Variants in DECR1 observed in about 807,000 individuals in gnomAD.
DECR1 encodes 2,4-dienoyl-CoA reductase [(3E)-enoyl-CoA-producing], mitochondrial.
In DECR1, 44 loss-of-function variants were observed where a neutral mutation model predicts 38.8. That is an observed-to-expected ratio of 1.13 (90% CI 0.89 to 1.46). The LOEUF is 1.46. Ranked by LOEUF, DECR1 falls within the 40% of genes most tolerant of loss-of-function variation. The pLI is 0.00. For missense variants in DECR1, 428 were observed against 405.5 expected, an observed-to-expected ratio of 1.06 and a Z score of -0.48; for synonymous variants, 148 against 135.2, an observed-to-expected ratio of 1.09 and a Z score of -0.66.
Position 90,019,072 on chromosome 8 carries a change from T to C in DECR1, c.331-14T>C. The C allele has an allele frequency of 1.2e-6, 2 of 1,613,086 alleles. No homozygotes were observed. The highest frequency in any genetic ancestry group is 1.6e-4 in the Middle Eastern group (1 of 6,062). On this transcript the variant is annotated splice_polypyrimidine_tract_variant and intron_variant, in intron 3 of 9. Coordinates refer to ENST00000220764, the MANE Select transcript of DECR1 (RefSeq NM_001359.2). ...AAAGCTGGAAAATGTCATATTCTTT[T>C]TGTTATTTTGCAGGTTCATGCAATT... is the stretch of plus-strand genomic sequence containing the variant.
chr8:90,041,005 G>A (rs1813748195), intron 6 of DECR1, among the ~76,000 whole-genome samples: 1 of 152,024 alleles, frequency 6.6e-6, no homozygotes, highest in Admixed American at 6.6e-5. Context: ...GGGATGGCTG[G>A]GTCAAATGGT....
chr8:90,013,398 C>CTTTTT (rs1586138676), intron 1 of DECR1, among the ~76,000 whole-genome samples: 1 of 81,420 alleles, frequency 1.2e-5, no homozygotes, highest in East Asian at 4.4e-4. Flanking sequence ...CCTCTTCTTT[C>CTTTTT]GTTTTTTTTT....
chr8:90,023,716 T>A (rs570660307), intron 5 of DECR1, among the ~76,000 whole-genome samples: 1 of 152,060 alleles, frequency 6.6e-6, no homozygotes, highest in African/African-American at 2.4e-5. Flanking sequence ...AGTTTGCTGA[T>A]AGCTTTTTTT....
At chr8:90,039,376 A>G (rs542014166) in intron 6 of DECR1, among the ~76,000 whole-genome samples, 1 of 152,344 alleles carries the variant, frequency 6.6e-6, no homozygotes, top group South Asian at 2.1e-4. Flanking sequence ...ACCTCTTCAC[A>G]GGGCAGCAGG....
At chr8:90,004,180 G>A (rs768807672) in intron 1 of DECR1, among the ~76,000 whole-genome samples, 38 of 151,438 alleles carry the variant, frequency 2.5e-4, no homozygotes, top group Non-Finnish European at 4.3e-4. Flanking sequence ...AAAATTAGCC[G>A]GGCGTGGTGG....
intron 8 of DECR1, among the ~76,000 whole-genome samples, chr8:90,049,840 C>G (rs78853570): frequency 3.3e-5 from 5 of 152,100 alleles, no homozygotes; most frequent in Admixed American, 3.3e-4. Context: ...TATAGACCAA[C>G]GGAACAGAAC....
chr8:90,052,130 G>T lies in DECR1; in HGVS notation c.*233G>T. 6.2e-6 allele frequency: 3 copies of T among 484,332 alleles called. No individual in the cohort carries two copies. Among genetic ancestry groups the T allele is most frequent in the Non-Finnish European group, 7.3e-6 (2 of 275,618 alleles). 30.0% of individuals were successfully genotyped at this position (484,332 alleles called of 1,614,324 possible). The stretch of plus-strand genomic sequence containing the variant: ...AGGAGGCATGGGGAGAGTAGGTAAA[G>T]GCTCCTCTTTACCTATTGATAGAGG... On this transcript the variant is annotated 3_prime_UTR_variant, in exon 10 of 10. Transcript: ENST00000220764.
intron 5 of DECR1, among the ~76,000 whole-genome samples, chr8:90,036,090 A>G (rs7813378): frequency 0.043 from 6,498 of 152,146 alleles, 283 homozygotes; most frequent in East Asian, 0.19. Flanking sequence ...CACACTAAAC[A>G]TGTACAGCTT....
At chr8:90,041,391 A>T (rs1401739416) in intron 6 of DECR1, among the ~76,000 whole-genome samples, 1 of 152,132 alleles carries the variant, frequency 6.6e-6, no homozygotes, top group African/African-American at 2.4e-5. Context: ...CATTTATCAG[A>T]TGGATAGATT....
intron 1 of DECR1, among the ~76,000 whole-genome samples, chr8:90,011,012 A>G (rs910470394): frequency 6.6e-6 from 1 of 152,232 alleles, no homozygotes; most frequent in Non-Finnish European, 1.5e-5. Flanking sequence ...TGACAGTGTA[A>G]TAAGGTTATT....
intron 1 of DECR1, among the ~76,000 whole-genome samples, chr8:90,002,269 T>C (rs1812636099): frequency 6.6e-6 from 1 of 152,124 alleles, no homozygotes; most frequent in South Asian, 2.1e-4. Context: ...GTGTTAGTTA[T>C]GGAATTAAAC....
intron 1 of DECR1, among the ~76,000 whole-genome samples, chr8:90,016,401 C>A (rs1219649200): frequency 6.6e-6 from 1 of 151,950 alleles, no homozygotes; most frequent in Non-Finnish European, 1.5e-5. Context: ...CTTTGGGAGG[C>A]CGAGGTGGGC....
rs144303838 is a variant in DECR1, at chr8:90,015,369, C to G, written c.70-1755C>G. 2.2e-3 allele frequency among the ~76,000 whole-genome samples: 339 copies of G among 152,078 alleles called. 2 individuals are homozygous for G. Among genetic ancestry groups the G allele is most frequent in the African/African-American group, 7.0e-3 (292 of 41,504 alleles). On this transcript the variant is annotated intron_variant, in intron 1 of 9. Transcript: ENST00000220764. ...TAACAATTGAATTTACCTTATAGAG[C>G]TGTTTTGAGGACTGTATGGTAAATA... is the stretch of plus-strand genomic sequence containing the variant.
chr8:90,029,716 A>G (rs1813447926), intron 5 of DECR1, among the ~76,000 whole-genome samples: 1 of 152,198 alleles, frequency 6.6e-6, no homozygotes, highest in South Asian at 2.1e-4. Context: ...CCGTAAACAC[A>G]AGAATAAATT....
intron 5 of DECR1, among the ~76,000 whole-genome samples, chr8:90,022,105 T>G (rs976183839): frequency 2.6e-5 from 4 of 152,138 alleles, no homozygotes; most frequent in Non-Finnish European, 5.9e-5. Flanking sequence ...TGCGGGTATT[T>G]TCTCAGAGAA....
intron 6 of DECR1, among the ~76,000 whole-genome samples, chr8:90,041,573 T>A (rs1182742852): frequency 6.6e-6 from 1 of 152,212 alleles, no homozygotes; most frequent in Non-Finnish European, 1.5e-5. Flanking sequence ...TGTACAATTT[T>A]CCTTTTGTAA....
chr8:90,042,680 C>A, intron 6 of DECR1, 48 bp from the exon 7 acceptor site: 1 of 1,501,788 alleles, frequency 6.7e-7, no homozygotes, highest in Non-Finnish European at 9.3e-7. Context: ...CTGTCTTTAA[C>A]ATATGGTATA....
rs144611328 is a variant in DECR1 at position 90,039,400 on chromosome 8, TC to T, written c.665+2462del. On this transcript the variant is annotated intron_variant, in intron 6 of 9. Coordinates refer to ENST00000220764, the MANE Select transcript of DECR1 (RefSeq NM_001359.2). ...CAGGGCAGCAGGAAAGAGAATGTGTTCCAAGTGAAGGGGTAAGCCCCTTATA... is the reference window on the plus strand; with the variant it reads ...CAGGGCAGCAGGAAAGAGAATGTGTTCAAGTGAAGGGGTAAGCCCCTTATA... Among the ~76,000 whole-genome samples, 1,105 of 152,238 alleles carry T rather than the reference TC, an allele frequency of 7.3e-3. 15 individuals carry two copies. The highest frequency in any genetic ancestry group is 0.025 in the African/African-American group (1,026 of 41,550).
At chr8:90,038,189 T>C (rs995926114) in intron 6 of DECR1, among the ~76,000 whole-genome samples, 6 of 152,230 alleles carry the variant, frequency 3.9e-5, no homozygotes, top group African/African-American at 1.2e-4. Context: ...TTTCCATGCT[T>C]TAATTTCCAT....
Sources: allele counts gnomAD v4.1 joint callset (sites outside exome capture counted in the v4.1 genomes callset), GRCh38; gene constraint gnomAD v4.1.1; transcripts MANE v1.5; gene names NCBI Gene and HGNC (gene_info 2026-07-23, HGNC 2026-07-21).